GRIA1: variants seen among roughly 807,000 people sequenced by gnomAD.
The protein encoded by GRIA1 is glutamate ionotropic receptor AMPA type subunit 1.
In GRIA1, 31 loss-of-function variants were observed where a neutral mutation model predicts 99.2. The ratio of observed to expected loss-of-function variants is 0.31; its 90% confidence interval spans 0.23 to 0.42. The LOEUF is 0.42. GRIA1 is among the 10% of genes least tolerant of loss of function. The pLI, the probability that GRIA1 is intolerant of heterozygous loss-of-function variation, is 1.00. For missense variants in GRIA1, 782 were observed against 1,157.5 expected (o/e 0.68, Z 4.71); for synonymous variants, 438 against 432.4 (o/e 1.01, Z -0.16).
intron 5 of GRIA1, among the ~76,000 whole-genome samples, chr5:153,657,538 G>A (rs576013656): frequency 2.0e-5 from 3 of 152,296 alleles, no homozygotes; most frequent in African/African-American, 4.8e-5. Context: ...ATGAGCAATA[G>A]TAATTGAACA....
chr5:153,771,170 G>A (rs1219591728), intron 13 of GRIA1, among the ~76,000 whole-genome samples: 1 of 152,262 alleles, frequency 6.6e-6, no homozygotes, highest in South Asian at 2.1e-4. Flanking sequence ...AGGATAATTG[G>A]CCCAGCCCTT....
intron 11 of GRIA1, among the ~76,000 whole-genome samples, chr5:153,728,104 A>G (rs1019438877): frequency 2.6e-5 from 4 of 151,070 alleles, no homozygotes; most frequent in Admixed American, 1.3e-4. Context: ...CTTATCTTTG[A>G]TAAACCTGAG....
At chr5:153,492,227 C>T in intron 1 of GRIA1, 1 of 1,531,820 alleles carries the variant, frequency 6.5e-7, no homozygotes, top group South Asian at 1.2e-5. Flanking sequence ...CTCTTTCAGC[C>T]TCTCCAGCTA....
chr5:153,655,320 A>T (rs888480482), intron 4 of GRIA1, among the ~76,000 whole-genome samples: 1 of 152,222 alleles, frequency 6.6e-6, no homozygotes, highest in African/African-American at 2.4e-5. Flanking sequence ...AAGGAATTGA[A>T]GGTGAAGTCA....
intron 2 of GRIA1, chr5:153,573,308 C>A (rs1454271562): frequency 6.6e-6 from 1 of 152,136 alleles, no homozygotes; most frequent in African/African-American, 2.4e-5. Context: ...TAACCTAACA[C>A]AATTTTCTTA....
chr5:153,489,754 C>T (rs1268643354), upstream of GRIA1: 1 of 456,148 alleles, frequency 2.2e-6, no homozygotes, highest in Non-Finnish European at 4.4e-6. Context: ...TTACACCAGA[C>T]ATGACCAGCA....
chr5:153,707,132 G>GA (rs1758954961), intron 11 of GRIA1, among the ~76,000 whole-genome samples: 1 of 151,584 alleles, frequency 6.6e-6, no homozygotes, highest in South Asian at 2.1e-4. Flanking sequence ...AAAAAAAGAA[G>GA]AAAAAAATGG....
chr5:153,764,838 C>T (rs560171295), intron 12 of GRIA1, among the ~76,000 whole-genome samples: 1 of 152,340 alleles, frequency 6.6e-6, no homozygotes, highest in Admixed American at 6.5e-5. Flanking sequence ...AGCTTCAAAG[C>T]TCCTGCATTG....
chr5:153,661,328 A>C (rs1755355582), intron 5 of GRIA1, among the ~76,000 whole-genome samples: 1 of 152,202 alleles, frequency 6.6e-6, no homozygotes, highest in Non-Finnish European at 1.5e-5. Context: ...ATGTAACATT[A>C]GTCAATTTAT....
At chr5:153,748,684 G>A (rs1429798688) in intron 11 of GRIA1, among the ~76,000 whole-genome samples, 1 of 152,158 alleles carries the variant, frequency 6.6e-6, no homozygotes, top group Non-Finnish European at 1.5e-5. Context: ...GGACTGGATG[G>A]GCTGGATGTG....
intron 2 of GRIA1, among the ~76,000 whole-genome samples, chr5:153,593,207 C>A (rs1280053451): frequency 6.6e-6 from 1 of 152,164 alleles, no homozygotes; most frequent in East Asian, 1.9e-4. Context: ...GTGGAGGATG[C>A]AGTAAGCTGA....
intron 2 of GRIA1, among the ~76,000 whole-genome samples, chr5:153,565,605 C>T (rs1288112033): frequency 6.6e-6 from 1 of 152,150 alleles, no homozygotes; most frequent in Non-Finnish European, 1.5e-5. Context: ...TTCCCCAGCA[C>T]CCTCCCACCA....
In GRIA1 at chr5:153,812,852, C is replaced by T. The variant is rs987543234; in HGVS notation, c.*1627C>T. On this transcript the variant is annotated 3_prime_UTR_variant, in exon 16 of 16. Transcript: ENST00000285900. ...CAGTCACTCTCCTAGGTGCATGATT[C>T]AGTGCGTGCCATGTGTCATTAGCTT... is the stretch of plus-strand genomic sequence containing the variant. 1 of 152,258 alleles carries T rather than the reference C, an allele frequency of 6.6e-6. No homozygotes were observed. Among genetic ancestry groups the T allele is most frequent in the Non-Finnish European group, 1.5e-5 (1 of 68,080 alleles). 9.4% of individuals were successfully genotyped at this position (152,258 alleles called of 1,614,324 possible).
intron 5 of GRIA1, among the ~76,000 whole-genome samples, chr5:153,668,886 G>A (rs1201944649): frequency 6.6e-6 from 1 of 152,212 alleles, no homozygotes; most frequent in Non-Finnish European, 1.5e-5. Context: ...GAGGTTCATT[G>A]TCCCTCTTTG....
chr5:153,502,315 T>C (rs937099912), intron 2 of GRIA1, among the ~76,000 whole-genome samples: 3 of 152,180 alleles, frequency 2.0e-5, no homozygotes, highest in African/African-American at 7.2e-5. Flanking sequence ...GCTAGATGAA[T>C]GAAAGAATAG....
At chr5:153,647,678 T>C (rs1754257901) in intron 3 of GRIA1, among the ~76,000 whole-genome samples, 1 of 152,214 alleles carries the variant, frequency 6.6e-6, no homozygotes, top group Admixed American at 6.5e-5. Context: ...TAGTAAAAAC[T>C]CAAAATTCTT....
intron 12 of GRIA1, among the ~76,000 whole-genome samples, chr5:153,766,538 T>A (rs1178223285): frequency 6.6e-6 from 1 of 152,206 alleles, no homozygotes. Context: ...GCAGCCACTT[T>A]GCGGATAAGA....
chr5:153,602,090 T>C (rs1358015796), intron 2 of GRIA1, among the ~76,000 whole-genome samples: 1 of 152,214 alleles, frequency 6.6e-6, no homozygotes, highest in Non-Finnish European at 1.5e-5. Flanking sequence ...CTTATGTTTA[T>C]TGCAGCACTA....
chr5:153,537,097 C>T (rs898462226), intron 2 of GRIA1, among the ~76,000 whole-genome samples: 4 of 152,204 alleles, frequency 2.6e-5, no homozygotes, highest in Admixed American at 2.6e-4. Flanking sequence ...AATCGGACAT[C>T]TTGGGAACCA....
Sources: allele counts gnomAD v4.1 joint callset (sites outside exome capture counted in the v4.1 genomes callset), GRCh38; gene constraint gnomAD v4.1.1; transcripts MANE v1.5; gene names NCBI Gene and HGNC (gene_info 2026-07-23, HGNC 2026-07-21).